PITPNC1: variants seen among roughly 807,000 people sequenced by gnomAD.
PITPNC1 encodes cytoplasmic phosphatidylinositol transfer protein 1.
In PITPNC1, 18 loss-of-function variants were observed where a neutral mutation model predicts 44.7. The observed-to-expected ratio is 0.40, with a 90% CI of 0.28 to 0.60. The LOEUF (loss-of-function observed/expected upper bound fraction) is 0.60. Ranked by LOEUF, PITPNC1 falls within the 20% of genes least tolerant of loss-of-function variation. The probability of loss-of-function intolerance (pLI) is 0.39; values close to 1 mark genes in which losing one functional copy is unlikely to be tolerated. For synonymous variants in PITPNC1, 141 were observed against 149.6 expected (o/e 0.94, Z 0.42); for missense variants, 290 against 418.4 (o/e 0.69, Z 2.68).
At chr17:67,620,671 T>C (rs2041817951) in intron 5 of PITPNC1, among the ~76,000 whole-genome samples, 1 of 152,170 alleles carries the variant, frequency 6.6e-6, no homozygotes, top group African/African-American at 2.4e-5. Flanking sequence ...CTAATGATAT[T>C]GTCCACCAGA....
chr17:67,436,920 T>G (rs1280663542), intron 1 of PITPNC1, among the ~76,000 whole-genome samples: 8 of 125,796 alleles, frequency 6.4e-5, no homozygotes, highest in East Asian at 2.1e-4. Flanking sequence ...TTTTTTTTTT[T>G]TTTTTTTTTT....
At chr17:67,397,018 T>C (rs1273029393) in intron 1 of PITPNC1, among the ~76,000 whole-genome samples, 1 of 152,120 alleles carries the variant, frequency 6.6e-6, no homozygotes, top group Non-Finnish European at 1.5e-5. Flanking sequence ...CTCACTCTTA[T>C]CCCCTAGGCT....
intron 1 of PITPNC1, among the ~76,000 whole-genome samples, chr17:67,438,259 T>G (rs182508062): frequency 6.6e-6 from 1 of 151,882 alleles, no homozygotes; most frequent in East Asian, 1.9e-4. Context: ...TAAGCTGTTC[T>G]GGGTTGTAAG....
At chr17:67,647,786 G>A (rs1181082237) in intron 6 of PITPNC1, among the ~76,000 whole-genome samples, 2 of 152,086 alleles carry the variant, frequency 1.3e-5, no homozygotes, top group Non-Finnish European at 2.9e-5. Flanking sequence ...CAAACCTGGG[G>A]GCAGGGCATG....
chr17:67,592,890 TA>T (rs1398160064), intron 5 of PITPNC1, among the ~76,000 whole-genome samples: 2 of 152,094 alleles, frequency 1.3e-5, no homozygotes, highest in African/African-American at 4.8e-5. Context: ...TAAAAATAAT[TA>T]GCCAGGCATG....
intron 1 of PITPNC1, among the ~76,000 whole-genome samples, chr17:67,428,239 G>T (rs540602149): frequency 6.6e-6 from 1 of 152,078 alleles, no homozygotes; most frequent in Non-Finnish European, 1.5e-5. Flanking sequence ...TCTGTAATAT[G>T]AAAACATACT....
intron 5 of PITPNC1, among the ~76,000 whole-genome samples, chr17:67,616,943 G>A (rs997329683): frequency 6.6e-6 from 1 of 152,090 alleles, no homozygotes; most frequent in African/African-American, 2.4e-5. Flanking sequence ...TTTATCTGTT[G>A]TTTTGAATTT....
At chr17:67,540,203 A>T (rs2040587962) in intron 2 of PITPNC1, among the ~76,000 whole-genome samples, 1 of 152,016 alleles carries the variant, frequency 6.6e-6, no homozygotes, top group Non-Finnish European at 1.5e-5. Context: ...TTCCGGGCTC[A>T]AGAGATACTC....
chr17:67,583,442 G>A lies in PITPNC1; in HGVS notation c.366+5185G>A, dbSNP rs529742779. ...GTCTCTACTAAAAATACAAAAATTA[G>A]CTGGGTGTGGTGGTGCATGCCTGTA... On this transcript the variant is annotated intron_variant, in intron 5 of 8. Transcript: ENST00000581322. Among the ~76,000 whole-genome samples the A allele has an allele frequency of 1.6e-3, 243 of 151,870 alleles. 1 individual carries two copies. Among genetic ancestry groups the A allele is most frequent in the African/African-American group, 5.2e-3 (217 of 41,470 alleles).
chr17:67,452,516 G>GTT lies in PITPNC1; in HGVS notation c.48+74328_48+74329dup, dbSNP rs576299890. Among the ~76,000 whole-genome samples, 836 of 139,848 alleles carry GTT rather than the reference G, an allele frequency of 6.0e-3. 10 individuals carry two copies. The highest frequency in any genetic ancestry group is 0.015 in the East Asian group (69 of 4,482). 91.7% of individuals were successfully genotyped at this position (139,848 alleles called of 152,430 possible). A position where few individuals can be genotyped will look rare whatever the true frequency, so the allele number is the denominator to read the frequency against. ...TACTTTAAGGAGTGGAATTGCTGGG[G>GTT]TTTTTTTTTTTTTTTGAGATGGAGT... On this transcript the variant is annotated intron_variant, in intron 1 of 8. Coordinates refer to ENST00000581322, the MANE Select transcript of PITPNC1 (RefSeq NM_012417.4).
chr17:67,479,513 TTGA>T (rs1383341091), intron 1 of PITPNC1, among the ~76,000 whole-genome samples: 5 of 152,218 alleles, frequency 3.3e-5, no homozygotes, highest in Non-Finnish European at 5.9e-5. Context: ...AAATGAGCAC[TTGA>T]TGACTTGATT....
chr17:67,512,927 C>T (rs2040206901), intron 1 of PITPNC1, among the ~76,000 whole-genome samples: 1 of 152,086 alleles, frequency 6.6e-6, no homozygotes, highest in African/African-American at 2.4e-5. Flanking sequence ...CTCCAGCCAG[C>T]TTGGCAGTAT....
rs916376021 is a variant in PITPNC1, at chr17:67,377,988, G to A, written c.-167G>A. 56 of 449,142 alleles carry A rather than the reference G, an allele frequency of 1.2e-4. No individual in the cohort carries two copies. Among genetic ancestry groups the A allele is most frequent in the Middle Eastern group, 5.7e-4 (1 of 1,740 alleles). The allele number at this position is 449,142 out of a possible 1,614,324, so 27.8% of individuals were successfully genotyped here. On this transcript the variant is annotated 5_prime_UTR_variant, in exon 1 of 9. The change creates a premature stop within an existing upstream ORF in the 5' untranslated region. Transcript: ENST00000581322. Reference sequence around the variant, plus strand: ...CCAGACCCAAACCCTGACATGCTCTGGGGCGGAGAGGAGGAAGCCAGGAGC... The same window carrying A: ...CCAGACCCAAACCCTGACATGCTCTAGGGCGGAGAGGAGGAAGCCAGGAGC...
intron 1 of PITPNC1, among the ~76,000 whole-genome samples, chr17:67,493,674 G>A (rs937759646): frequency 6.6e-6 from 1 of 152,154 alleles, no homozygotes; most frequent in Non-Finnish European, 1.5e-5. Context: ...CTTTGACCTT[G>A]GAAATACTGG....
At chr17:67,479,533 A>G (rs77591544) in intron 1 of PITPNC1, among the ~76,000 whole-genome samples, 4,226 of 152,290 alleles carry the variant, frequency 0.028, 190 homozygotes, top group African/African-American at 0.096. Flanking sequence ...GATTCCTGAC[A>G]CTTATTCTTG....
chr17:67,511,495 G>A (rs189748818), intron 1 of PITPNC1, among the ~76,000 whole-genome samples: 207 of 152,102 alleles, frequency 1.4e-3, no homozygotes, highest in Admixed American at 2.8e-3. Flanking sequence ...CCTTCACCTC[G>A]TCAATACTGG....
intron 6 of PITPNC1, among the ~76,000 whole-genome samples, chr17:67,666,462 G>T (rs2042423776): frequency 6.6e-6 from 1 of 152,180 alleles, no homozygotes; most frequent in Non-Finnish European, 1.5e-5. Context: ...CACGAGAGAG[G>T]TGTGGCTTTG....
intron 5 of PITPNC1, among the ~76,000 whole-genome samples, chr17:67,628,361 G>A (rs117067766): frequency 7.5e-4 from 114 of 152,176 alleles, no homozygotes; most frequent in Admixed American, 1.4e-3. Context: ...TGCAATGGGT[G>A]TATCAGTCAG....
rs530802913 is a variant in PITPNC1 at position 67,384,526 on chromosome 17, C to T, written c.48+6324C>T. Among the ~76,000 whole-genome samples, 78 of 152,084 alleles carry T rather than the reference C, an allele frequency of 5.1e-4. 4 individuals are homozygous for T. In the East Asian group the frequency reaches 0.015, roughly 29 times the overall value. ...CTGCAAGCTCCGCCTCCCGGGTTCACGCCATTCTCCTGCCTCAGCTTCCCG... is the reference window on the plus strand; with the variant it reads ...CTGCAAGCTCCGCCTCCCGGGTTCATGCCATTCTCCTGCCTCAGCTTCCCG... On this transcript the variant is annotated intron_variant, in intron 1 of 8. Transcript: ENST00000581322.
Sources: allele counts gnomAD v4.1 joint callset (sites outside exome capture counted in the v4.1 genomes callset), GRCh38; gene constraint gnomAD v4.1.1; transcripts MANE v1.5; gene names NCBI Gene and HGNC (gene_info 2026-07-23, HGNC 2026-07-21).